Variants in ROCK2 observed in about 807,000 individuals in gnomAD.
The protein encoded by ROCK2 is rho-associated protein kinase 2.
In ROCK2, 61 loss-of-function variants were observed where a neutral mutation model predicts 195.1. The ratio of observed to expected loss-of-function variants is 0.31; its 90% confidence interval spans 0.25 to 0.39. The LOEUF is 0.39. Among genes scored for constraint, ROCK2 ranks in the 10% least tolerant of loss-of-function variants. The pLI, the probability that ROCK2 is intolerant of heterozygous loss-of-function variation, is 1.00. For missense variants in ROCK2, 1,109 were observed against 1,637.4 expected (o/e 0.68, Z 5.57); for synonymous variants, 504 against 545.5 (o/e 0.92, Z 1.06).
chr2:11,294,829 G>C (rs2148205794), intron 1 of ROCK2, among the ~76,000 whole-genome samples: 1 of 152,072 alleles, frequency 6.6e-6, no homozygotes, highest in African/African-American at 2.4e-5. Context: ...CCAGGCTGGA[G>C]TGCAGTGCCA....
At chr2:11,185,379 TTTTC>T (rs143365206) in intron 32 of ROCK2, among the ~76,000 whole-genome samples, 1,683 of 152,334 alleles carry the variant, frequency 0.011, 47 homozygotes, top group African/African-American at 0.037. Flanking sequence ...ATATGTGGTC[TTTTC>T]TTTCTAATTC....
At position 11,198,488 on chromosome 2, in the gene ROCK2, T is replaced by C. The variant is rs1663722944; in HGVS notation, c.3099+3A>G. 6.4e-7 allele frequency: 1 copy of C among 1,571,364 alleles called. No homozygotes were observed. Among genetic ancestry groups the C allele is most frequent in the Non-Finnish European group, 8.8e-7 (1 of 1,142,708 alleles). On this transcript the variant is annotated splice_donor_region_variant and intron_variant, in intron 25 of 32. Transcript: ENST00000315872. ...AATCATATTTAGATTCTATTATACA[T>C]ACTTGAGTTTTGAGTGTTCTTTCTG...
At chr2:11,217,620 T>C (rs1664478261) in intron 11 of ROCK2, among the ~76,000 whole-genome samples, 1 of 152,218 alleles carries the variant, frequency 6.6e-6, no homozygotes, top group Non-Finnish European at 1.5e-5. Context: ...TATAAGCTCT[T>C]CTTTTATATC....
intron 9 of ROCK2, among the ~76,000 whole-genome samples, chr2:11,220,511 T>A (rs964211899): frequency 6.6e-6 from 1 of 152,186 alleles, no homozygotes; most frequent in Non-Finnish European, 1.5e-5. Context: ...TATTGAATGA[T>A]CTTGTGTCAG....
intron 3 of ROCK2, among the ~76,000 whole-genome samples, chr2:11,275,055 G>A (rs1197196495): frequency 4.6e-5 from 7 of 152,068 alleles, no homozygotes; most frequent in Non-Finnish European, 8.8e-5. Flanking sequence ...TCAGGAGGTC[G>A]AGACCAGCCT....
chr2:11,258,865 C>A (rs1249882560), intron 3 of ROCK2, among the ~76,000 whole-genome samples: 1 of 149,900 alleles, frequency 6.7e-6, no homozygotes, highest in Non-Finnish European at 1.5e-5. Flanking sequence ...ATGTGTGGAT[C>A]CTGGAAAGGG....
intron 1 of ROCK2, among the ~76,000 whole-genome samples, chr2:11,312,207 T>C (rs1182897709): frequency 6.6e-6 from 1 of 152,208 alleles, no homozygotes; most frequent in African/African-American, 2.4e-5. Context: ...TTTTAAAATT[T>C]TCTCAGTTTT....
At chr2:11,316,430 G>A (rs1668194224) in intron 1 of ROCK2, among the ~76,000 whole-genome samples, 1 of 152,150 alleles carries the variant, frequency 6.6e-6, no homozygotes, top group Non-Finnish European at 1.5e-5. Flanking sequence ...CTACAGCATA[G>A]AGAATATATT....
At chr2:11,254,774 A>C (rs1164684649) in intron 3 of ROCK2, among the ~76,000 whole-genome samples, 1 of 141,982 alleles carries the variant, frequency 7.0e-6, no homozygotes, top group Non-Finnish European at 1.5e-5. Context: ...AAACCTGGCT[A>C]ATTTCTTGGT....
intron 3 of ROCK2, among the ~76,000 whole-genome samples, chr2:11,252,033 G>A (rs1026925419): frequency 7.2e-5 from 11 of 152,178 alleles, no homozygotes; most frequent in African/African-American, 2.7e-4. Context: ...AGAGGATGTG[G>A]AGAAATAGAA....
chr2:11,276,610 C>T (rs1021433672), intron 3 of ROCK2, among the ~76,000 whole-genome samples: 3 of 152,130 alleles, frequency 2.0e-5, no homozygotes, highest in Admixed American at 6.5e-5. Context: ...AGAGTCAATG[C>T]AAACCCTGTA....
intron 20 of ROCK2, among the ~76,000 whole-genome samples, chr2:11,202,735 ATCTGCCCACC>A (rs1663908261): frequency 6.6e-6 from 1 of 152,108 alleles, no homozygotes; most frequent in Non-Finnish European, 1.5e-5. Context: ...TGACCTTGTG[ATCTGCCCACC>A]TCAGCCTCCC....
intron 3 of ROCK2, among the ~76,000 whole-genome samples, chr2:11,281,993 G>A (rs1667020684): frequency 6.6e-6 from 1 of 152,072 alleles, no homozygotes; most frequent in Admixed American, 6.5e-5. Context: ...GTTATTTCAC[G>A]GATATTGACA....
intron 3 of ROCK2, among the ~76,000 whole-genome samples, chr2:11,285,474 ATTC>A (rs1460497442): frequency 2.0e-5 from 3 of 152,030 alleles, no homozygotes; most frequent in Non-Finnish European, 4.4e-5. Context: ...GAAGAATAAT[ATTC>A]TTCTTATGGA....
intron 3 of ROCK2, among the ~76,000 whole-genome samples, chr2:11,264,590 A>G (rs114963289): frequency 0.018 from 2,711 of 152,246 alleles, 90 homozygotes; most frequent in African/African-American, 0.062. Context: ...CAAATAAGCC[A>G]CTGTGGATAT....
At chr2:11,321,488 G>A (rs1668397992) in intron 1 of ROCK2, among the ~76,000 whole-genome samples, 1 of 151,368 alleles carries the variant, frequency 6.6e-6, no homozygotes, top group Non-Finnish European at 1.5e-5. Flanking sequence ...GGGAGGCCAA[G>A]GCAGGTGGAT....
intron 1 of ROCK2, among the ~76,000 whole-genome samples, chr2:11,302,856 A>G (rs1667749133): frequency 6.6e-6 from 1 of 152,192 alleles, no homozygotes; most frequent in South Asian, 2.1e-4. Context: ...ACCTTTTAAA[A>G]TGAGGCTCCT....
At chr2:11,294,876 T>A (rs1667464135) in intron 1 of ROCK2, among the ~76,000 whole-genome samples, 1 of 151,988 alleles carries the variant, frequency 6.6e-6, no homozygotes, top group African/African-American at 2.4e-5. Context: ...CTCCACCTCC[T>A]CCTCCACCTC....
At chr2:11,322,933 T>C (rs899175550) in intron 1 of ROCK2, among the ~76,000 whole-genome samples, 1 of 152,136 alleles carries the variant, frequency 6.6e-6, no homozygotes, top group Non-Finnish European at 1.5e-5. Flanking sequence ...CCAGTAAGTA[T>C]AGATCATACA....
Sources: allele counts gnomAD v4.1 joint callset (sites outside exome capture counted in the v4.1 genomes callset), GRCh38; gene constraint gnomAD v4.1.1; transcripts MANE v1.5; gene names NCBI Gene and HGNC (gene_info 2026-07-23, HGNC 2026-07-21).